Variants in SGCG observed in about 807,000 individuals in gnomAD.
SGCG encodes the protein sarcoglycan gamma.
Under a neutral mutation model 29.3 loss-of-function variants are expected in SGCG, and 26 were observed. That is an observed-to-expected ratio of 0.89 (90% CI 0.65 to 1.23). The LOEUF (loss-of-function observed/expected upper bound fraction) is 1.23. Among genes scored for constraint, SGCG ranks in the 50% most tolerant of loss-of-function variants. The pLI is 0.00. For missense variants in SGCG, 353 were observed against 356.0 expected, an observed-to-expected ratio of 0.99 and a Z score of 0.07; for synonymous variants, 145 against 129.7, an observed-to-expected ratio of 1.12 and a Z score of -0.80.
At chr13:23,195,813 T>C (rs1286338832) in intron 1 of SGCG, among the ~76,000 whole-genome samples, 1 of 152,060 alleles carries the variant, frequency 6.6e-6, no homozygotes, top group Non-Finnish European at 1.5e-5. Flanking sequence ...GACTAAAAGA[T>C]AAAGGAGAAC....
intron 3 of SGCG, among the ~76,000 whole-genome samples, chr13:23,247,653 A>C (rs190475064): frequency 1.3e-5 from 2 of 152,118 alleles, no homozygotes; most frequent in African/African-American, 4.8e-5. Context: ...CTATTTAAAA[A>C]TTTAAAAATC....
rs1255809331 is a variant in SGCG, at chr13:23,324,928, C to T, written c.*387C>T. ...ATATCTAATGCCCTGTTGAGAGTAG[C>T]CTTGCTCAGTACTAAAATGCCCCAA... On this transcript the variant is annotated 3_prime_UTR_variant, in exon 8 of 8. Transcript: ENST00000218867. The T allele has an allele frequency of 3.0e-6, 1 of 332,626 alleles. No individual in the cohort carries two copies. Among genetic ancestry groups the T allele is most frequent in the Non-Finnish European group, 5.9e-6 (1 of 169,174 alleles). The allele number at this position is 332,626 out of a possible 1,614,324, so 20.6% of individuals were successfully genotyped here.
chr13:23,188,291 G>C (rs946384323), intron 1 of SGCG, among the ~76,000 whole-genome samples: 7 of 137,544 alleles, frequency 5.1e-5, no homozygotes, highest in African/African-American at 1.9e-4. Flanking sequence ...CTCACCGTCT[G>C]AACACATCTT....
chr13:23,200,217 G>T (rs1211722085), intron 1 of SGCG, among the ~76,000 whole-genome samples: 1 of 152,136 alleles, frequency 6.6e-6, no homozygotes, highest in Non-Finnish European at 1.5e-5. Flanking sequence ...GAGGTCAGGA[G>T]TTCAAGACCA....
upstream of SGCG, among the ~76,000 whole-genome samples, chr13:23,177,077 G>C (rs771619622): frequency 1.1e-4 from 16 of 152,104 alleles, no homozygotes; most frequent in Non-Finnish European, 1.9e-4. Flanking sequence ...TTGAGAACAT[G>C]GATGAACCTG....
rs528226319 is a variant in SGCG, at chr13:23,277,790, C to A, written c.386-1569C>A. Among the ~76,000 whole-genome samples the A allele has an allele frequency of 7.3e-5, 11 of 151,464 alleles. No individual in the cohort carries two copies. The South Asian group carries it at 2.3e-3, about 32-fold the overall frequency. ...CTCGGCTCACTGCAAGCTCCGCCTC[C>A]CAGGTTCATGCCATTCTCCCGCCTC... On this transcript the variant is annotated intron_variant, in intron 4 of 7. Transcript: ENST00000218867.
At chr13:23,174,566 T>C in the SGCG span, among the ~76,000 whole-genome samples, 6 of 152,106 alleles carry the variant, frequency 3.9e-5, no homozygotes, top group Admixed American at 3.9e-4. Context: ...AGATAGAATG[T>C]CAGAGACATA....
chr13:23,296,047 A>AT (rs1881895905), intron 6 of SGCG, among the ~76,000 whole-genome samples: 1 of 152,212 alleles, frequency 6.6e-6, no homozygotes, highest in African/African-American at 2.4e-5. Context: ...TCAAGTGTTA[A>AT]TTGAGATGCT....
chr13:23,322,757 CCCACCCATCCACCT>C, intron 7 of SGCG, among the ~76,000 whole-genome samples: 3 of 17,942 alleles, frequency 1.7e-4, no homozygotes, highest in African/African-American at 3.1e-4. Context: ...CAGACCGCCC[CCCACCCATCCACCT>C]CCCCCCCCCC....
chr13:23,218,015 T>A (rs766513904), intron 2 of SGCG, among the ~76,000 whole-genome samples: 3 of 152,156 alleles, frequency 2.0e-5, no homozygotes, highest in Non-Finnish European at 4.4e-5. Flanking sequence ...GTATGTCTGA[T>A]ATCACTACTG....
intron 4 of SGCG, among the ~76,000 whole-genome samples, chr13:23,271,230 C>T (rs1880865569): frequency 6.6e-6 from 1 of 151,884 alleles, no homozygotes; most frequent in Non-Finnish European, 1.5e-5. Flanking sequence ...AAAAAAAAGT[C>T]CATCTTTAAA....
chr13:23,259,380 G>T (rs573806475), intron 4 of SGCG, among the ~76,000 whole-genome samples: 1 of 152,198 alleles, frequency 6.6e-6, no homozygotes, highest in Non-Finnish European at 1.5e-5. Flanking sequence ...TGTGGGATCG[G>T]TGGAGATATC....
At chr13:23,186,192 T>C (rs1387313340) in intron 1 of SGCG, among the ~76,000 whole-genome samples, 1 of 152,138 alleles carries the variant, frequency 6.6e-6, no homozygotes, top group Non-Finnish European at 1.5e-5. Context: ...CTCTGAAGGG[T>C]CTTAGCCTTG....
At position 23,235,260 on chromosome 13, in the gene SGCG, G is replaced by T. The variant is rs900980437; in HGVS notation, c.297+548G>T. On this transcript the variant is annotated intron_variant, in intron 3 of 7. Coordinates refer to ENST00000218867, the MANE Select transcript of SGCG (RefSeq NM_000231.3). ...TGTAATCCCAGCTACTCGGGAGGCTGAGGTAGGAGAATCGCTTGAACCCAG... is the reference window on the plus strand; with the variant it reads ...TGTAATCCCAGCTACTCGGGAGGCTTAGGTAGGAGAATCGCTTGAACCCAG... 3.3e-5 allele frequency among the ~76,000 whole-genome samples: 5 copies of T among 152,210 alleles called. No individual in the cohort carries two copies. The South Asian group carries it at 1.0e-3, about 32-fold the overall frequency.
chr13:23,248,769 G>A (rs59749431), intron 3 of SGCG, among the ~76,000 whole-genome samples: 5,237 of 151,674 alleles, frequency 0.035, 196 homozygotes, highest in East Asian at 0.2. Flanking sequence ...GAGGAGGGCG[G>A]ATCACGAGGT....
At chr13:23,284,183 A>T (rs1425975826) in intron 5 of SGCG, among the ~76,000 whole-genome samples, 1 of 152,292 alleles carries the variant, frequency 6.6e-6, no homozygotes, top group East Asian at 1.9e-4. Flanking sequence ...TCTCCTGGAT[A>T]ATATCCTGAA....
At chr13:23,304,095 T>C (rs946633583) in intron 6 of SGCG, among the ~76,000 whole-genome samples, 1 of 151,814 alleles carries the variant, frequency 6.6e-6, no homozygotes, top group Non-Finnish European at 1.5e-5. Flanking sequence ...AAAAATACTT[T>C]TCCTCTCAAT....
intron 2 of SGCG, among the ~76,000 whole-genome samples, chr13:23,232,772 A>C (rs1812365): frequency 0.12 from 18,231 of 151,930 alleles, 1,416 homozygotes; most frequent in East Asian, 0.29. Flanking sequence ...ACAGTACAAG[A>C]CTCCATCTCA....
At position 23,278,074 on chromosome 13, in the gene SGCG, T is replaced by C. The variant is rs540032882; in HGVS notation, c.386-1285T>C. 1.1e-4 allele frequency among the ~76,000 whole-genome samples: 16 copies of C among 152,174 alleles called. No individual in the cohort carries two copies. The South Asian group carries it at 2.7e-3, about 26-fold the overall frequency. On this transcript the variant is annotated intron_variant, in intron 4 of 7. Transcript: ENST00000218867. The stretch of plus-strand genomic sequence containing the variant: ...GTGTCAAACTCCTGACCTCAGGTGA[T>C]TGGCTCGCCTTGGCCTGGCAAACTG...
Sources: gnomAD v4.1 joint callset for allele counts (sites outside exome capture counted in the v4.1 genomes callset) on GRCh38, gnomAD v4.1.1 for gene constraint, MANE v1.5 for transcripts, NCBI Gene and HGNC (gene_info 2026-07-23, HGNC 2026-07-21) for gene names.